Variants in MAGI2 observed in about 807,000 individuals in gnomAD.
MAGI2 encodes membrane-associated guanylate kinase, WW and PDZ domain-containing protein 2.
In MAGI2, 35 loss-of-function variants were observed where a neutral mutation model predicts 133.3. That is an observed-to-expected ratio of 0.26 (90% CI 0.20 to 0.35). MAGI2 has a LOEUF of 0.35. Among genes scored for constraint, MAGI2 ranks in the 10% least tolerant of loss-of-function variants. MAGI2 has a pLI of 1.00. For missense variants in MAGI2, 1,636 were observed against 1,863.4 expected (o/e 0.88, Z 2.25); for synonymous variants, 729 against 710.6 (o/e 1.03, Z -0.41).
chr7:78,827,267 AT>A (rs58404427), intron 2 of MAGI2, among the ~76,000 whole-genome samples: 6,642 of 151,772 alleles, frequency 0.044, 200 homozygotes, highest in African/African-American at 0.086. Flanking sequence ...AGGGAAATGT[AT>A]TTTTTTTCTT....
At chr7:78,780,440 A>T (rs891225493) in intron 2 of MAGI2, among the ~76,000 whole-genome samples, 2 of 152,236 alleles carry the variant, frequency 1.3e-5, no homozygotes, top group Non-Finnish European at 2.9e-5. Context: ...CCTCATTAGT[A>T]ACAGTAACTA....
At chr7:78,021,093 C>T (rs750528729) in intron 21 of MAGI2, among the ~76,000 whole-genome samples, 5 of 152,072 alleles carry the variant, frequency 3.3e-5, no homozygotes, top group Admixed American at 1.3e-4. Context: ...AGTAGAAGGA[C>T]AGATGTATTA....
chr7:78,683,331 G>A (rs1048797820), intron 2 of MAGI2, among the ~76,000 whole-genome samples: 1 of 152,172 alleles, frequency 6.6e-6, no homozygotes, highest in African/African-American at 2.4e-5. Flanking sequence ...AATGAGCAGA[G>A]GGTTTGCATA....
intron 9 of MAGI2, among the ~76,000 whole-genome samples, chr7:78,310,506 G>C (rs985336513): frequency 3.3e-5 from 5 of 152,178 alleles, no homozygotes; most frequent in South Asian, 2.1e-4. Flanking sequence ...TATTGATACA[G>C]TTGATTTTTT....
intron 6 of MAGI2, among the ~76,000 whole-genome samples, chr7:78,437,604 T>C (rs1449969957): frequency 2.0e-5 from 3 of 152,044 alleles, no homozygotes; most frequent in African/African-American, 4.8e-5. Context: ...TATGAAGAGG[T>C]AATACCAGCA....
chr7:78,052,668 A>G (rs1052879070), intron 21 of MAGI2, among the ~76,000 whole-genome samples: 9 of 152,138 alleles, frequency 5.9e-5, no homozygotes, highest in Non-Finnish European at 1.2e-4. Context: ...GCTACTGGGG[A>G]AAAAAATACT....
intron 2 of MAGI2, among the ~76,000 whole-genome samples, chr7:78,811,678 C>T (rs960426491): frequency 2.6e-5 from 4 of 152,200 alleles, no homozygotes; most frequent in African/African-American, 9.6e-5. Flanking sequence ...AGATTTCCCT[C>T]CACATTAACT....
At chr7:78,493,903 G>A (rs1793852285) in intron 5 of MAGI2, among the ~76,000 whole-genome samples, 1 of 152,126 alleles carries the variant, frequency 6.6e-6, no homozygotes, top group Non-Finnish European at 1.5e-5. Flanking sequence ...AGGAGGCATT[G>A]ATAATACCAC....
intron 1 of MAGI2, among the ~76,000 whole-genome samples, chr7:79,372,719 C>T (rs1039582585): frequency 3.3e-5 from 5 of 151,962 alleles, no homozygotes; most frequent in Admixed American, 1.3e-4. Flanking sequence ...CTTTACTTCC[C>T]GCACCAGTAA....
intron 2 of MAGI2, among the ~76,000 whole-genome samples, chr7:78,750,805 A>G (rs1823383872): frequency 6.6e-6 from 1 of 152,214 alleles, no homozygotes; most frequent in East Asian, 1.9e-4. Flanking sequence ...AGTGTTATAA[A>G]GGTTTCTATA....
At chr7:78,466,678 T>C (rs1334127270) in intron 6 of MAGI2, among the ~76,000 whole-genome samples, 1 of 151,990 alleles carries the variant, frequency 6.6e-6, no homozygotes, top group African/African-American at 2.4e-5. Context: ...GGCAGGAAAA[T>C]TGCTGGTACT....
intron 1 of MAGI2, 31 bp downstream of exon 1, chr7:79,452,989 G>T: frequency 6.6e-7 from 1 of 1,514,300 alleles, no homozygotes; most frequent in East Asian, 2.3e-5. Context: ...CCCACCGCCC[G>T]GCAAAACACT....
chr7:78,710,156 A>G (rs1306883117), intron 2 of MAGI2, among the ~76,000 whole-genome samples: 1 of 152,180 alleles, frequency 6.6e-6, no homozygotes, highest in Non-Finnish European at 1.5e-5. Flanking sequence ...CTAAGTACAT[A>G]TTACATTATT....
chr7:79,350,216 T>G (rs570628987), intron 1 of MAGI2, among the ~76,000 whole-genome samples: 2 of 152,266 alleles, frequency 1.3e-5, no homozygotes, highest in African/African-American at 4.8e-5. Context: ...GTGTACCCAG[T>G]GCTCCAAAGC....
intron 2 of MAGI2, among the ~76,000 whole-genome samples, chr7:78,963,668 A>T (rs1285158262): frequency 6.6e-6 from 1 of 151,426 alleles, no homozygotes; most frequent in Non-Finnish European, 1.5e-5. Context: ...TCAAACAACA[A>T]CTCCTGAAAG....
At chr7:78,119,753 CCTT>C (rs1820245286) in intron 20 of MAGI2, among the ~76,000 whole-genome samples, 1 of 151,836 alleles carries the variant, frequency 6.6e-6, no homozygotes, top group African/African-American at 2.4e-5. Flanking sequence ...AATCTCTGCA[CCTT>C]CTTCTCAATT....
At chr7:78,371,448 A>G (rs80045475) in intron 6 of MAGI2, among the ~76,000 whole-genome samples, 8,186 of 152,062 alleles carry the variant, frequency 0.054, 322 homozygotes, top group South Asian at 0.096. Context: ...ATAAAGAGTA[A>G]AAGCCTAACG....
At chr7:78,706,999 T>C (rs1213074125) in intron 2 of MAGI2, among the ~76,000 whole-genome samples, 1 of 152,134 alleles carries the variant, frequency 6.6e-6, no homozygotes, top group Non-Finnish European at 1.5e-5. Context: ...GCCTCCTTTG[T>C]ACTGAATTCT....
At chr7:79,212,332 T>C (rs1829569870) in intron 1 of MAGI2, among the ~76,000 whole-genome samples, 4 of 152,190 alleles carry the variant, frequency 2.6e-5, no homozygotes, top group Non-Finnish European at 5.9e-5. Flanking sequence ...TCATCTATTT[T>C]TTGCCAGCAT....
Sources: gnomAD v4.1 joint callset for allele counts (sites outside exome capture counted in the v4.1 genomes callset) on GRCh38, gnomAD v4.1.1 for gene constraint, MANE v1.5 for transcripts, NCBI Gene and HGNC (gene_info 2026-07-23, HGNC 2026-07-21) for gene names.